Variants in MAML3 observed in about 807,000 individuals in gnomAD.
The protein encoded by MAML3 is mastermind like transcriptional coactivator 3.
In MAML3, 27 loss-of-function variants were observed where a neutral mutation model predicts 101.9. That is an observed-to-expected ratio of 0.27 (90% confidence interval 0.20 to 0.37). The LOEUF (loss-of-function observed/expected upper bound fraction) is 0.37, where lower values mean the gene tolerates loss of function less well. Ranked by LOEUF, MAML3 falls within the 10% of genes least tolerant of loss-of-function variation. The probability of loss-of-function intolerance (pLI) is 1.00; values close to 1 mark genes in which losing one functional copy is unlikely to be tolerated. For synonymous variants in MAML3, 501 were observed against 555.9 expected (o/e 0.90, Z 1.39); for missense variants, 1,316 against 1,444.9 (o/e 0.91, Z 1.45).
At chr4:139,957,503 G>A (rs1733935376) in intron 1 of MAML3, among the ~76,000 whole-genome samples, 1 of 152,208 alleles carries the variant, frequency 6.6e-6, no homozygotes, top group Non-Finnish European at 1.5e-5. Context: ...TCTGGTTCCT[G>A]AGAAAAACAA....
At chr4:140,037,579 A>G (rs571058005) in intron 1 of MAML3, among the ~76,000 whole-genome samples, 1 of 152,220 alleles carries the variant, frequency 6.6e-6, no homozygotes, top group Non-Finnish European at 1.5e-5. Context: ...TGTGACTCAC[A>G]GGAGGCCTGC....
chr4:139,783,479 C>A (rs1012006934), intron 2 of MAML3, among the ~76,000 whole-genome samples: 1 of 152,166 alleles, frequency 6.6e-6, no homozygotes, highest in Non-Finnish European at 1.5e-5. Context: ...GCAGGTAGTA[C>A]CTGCTGGTGT....
At chr4:139,970,824 G>A (rs1349291520) in intron 1 of MAML3, among the ~76,000 whole-genome samples, 1 of 152,126 alleles carries the variant, frequency 6.6e-6, no homozygotes, top group Non-Finnish European at 1.5e-5. Flanking sequence ...CTTATAAGCA[G>A]GGCCTATGGC....
chr4:139,720,126 A>T lies in MAML3; in HGVS notation c.2614T>A (p.Tyr872Asn). Residue 872 changes from tyrosine to asparagine, a missense_variant, in exon 5 of 5, where the codon TAC (tyrosine) becomes AAC (asparagine). Transcript: ENST00000509479. ...STTPTSQPGMYNMSTGMTQML... is the reference protein window; with the variant it reads ...STTPTSQPGMNNMSTGMTQML... ...TGGGTCATGCCTGTGCTCATATTGT[A>T]CATTCCTGGTTGGCTGGTAGGCGTG... 1 of 1,614,082 alleles carries T rather than the reference A, an allele frequency of 6.2e-7. No individual in the cohort carries two copies. Among genetic ancestry groups the T allele is most frequent in the Non-Finnish European group, 8.5e-7 (1 of 1,179,914 alleles).
At chr4:139,797,561 G>A (rs1730533260) in intron 2 of MAML3, among the ~76,000 whole-genome samples, 1 of 152,118 alleles carries the variant, frequency 6.6e-6, no homozygotes, top group African/African-American at 2.4e-5. Flanking sequence ...CAAGGACACA[G>A]AGCAGCCAGG....
chr4:140,127,213 A>G (rs1189571753), intron 1 of MAML3, among the ~76,000 whole-genome samples: 2 of 152,152 alleles, frequency 1.3e-5, no homozygotes. Flanking sequence ...TTTCAACAGC[A>G]CCAAAACACT....
chr4:140,013,190 T>C (rs1726590585), intron 1 of MAML3, among the ~76,000 whole-genome samples: 2 of 152,222 alleles, frequency 1.3e-5, no homozygotes, highest in Admixed American at 6.5e-5. Context: ...ATGTCAAATA[T>C]TTAAGGAGTC....
intron 1 of MAML3, among the ~76,000 whole-genome samples, chr4:140,097,932 G>A (rs1728189919): frequency 1.3e-5 from 2 of 152,336 alleles, no homozygotes; most frequent in East Asian, 3.9e-4. Context: ...TTGTCAACCT[G>A]CCTGTATTAA....
intron 1 of MAML3, among the ~76,000 whole-genome samples, chr4:140,018,373 A>C (rs887202313): frequency 6.6e-6 from 1 of 152,210 alleles, no homozygotes; most frequent in Non-Finnish European, 1.5e-5. Flanking sequence ...AGCATAAACT[A>C]TAATATTTTT....
At chr4:139,759,736 AT>A (rs1485804579) in intron 2 of MAML3, among the ~76,000 whole-genome samples, 1 of 151,566 alleles carries the variant, frequency 6.6e-6, no homozygotes, top group African/African-American at 2.4e-5. Flanking sequence ...AGATAAAAAT[AT>A]TTTTTTGCAT....
At chr4:140,119,119 T>C (rs34309432) in intron 1 of MAML3, among the ~76,000 whole-genome samples, 36,052 of 151,992 alleles carry the variant, frequency 0.24, 4,819 homozygotes, top group Admixed American at 0.34. Context: ...GTGTGGTATA[T>C]GGGCGTTTTC....
At chr4:140,094,014 C>T (rs958776147) in intron 1 of MAML3, among the ~76,000 whole-genome samples, 3 of 152,208 alleles carry the variant, frequency 2.0e-5, no homozygotes, top group Non-Finnish European at 2.9e-5. Flanking sequence ...CAGAAGAGAC[C>T]TGTTCTAGCT....
At chr4:139,836,166 TATAG>T (rs1356002086) in intron 2 of MAML3, among the ~76,000 whole-genome samples, 1 of 152,258 alleles carries the variant, frequency 6.6e-6, no homozygotes, top group African/African-American at 2.4e-5. Context: ...CGGCAGTTTC[TATAG>T]ATAAACTACA....
chr4:139,869,983 T>C (rs772089446), intron 2 of MAML3, among the ~76,000 whole-genome samples: 12 of 152,238 alleles, frequency 7.9e-5, no homozygotes, highest in Non-Finnish European at 1.6e-4. Context: ...TGGTTCCTAG[T>C]TCTAGTGTTG....
chr4:140,032,854 T>C (rs554786881), intron 1 of MAML3, among the ~76,000 whole-genome samples: 9 of 142,800 alleles, frequency 6.3e-5, no homozygotes, highest in East Asian at 6.2e-4. Flanking sequence ...ATTTCTACCA[T>C]TGGAAAAAAA....
intron 1 of MAML3, among the ~76,000 whole-genome samples, chr4:140,000,002 T>G (rs1734891101): frequency 6.6e-6 from 1 of 152,218 alleles, no homozygotes; most frequent in African/African-American, 2.4e-5. Context: ...GTGTGTCATA[T>G]GAAGAATATG....
chr4:139,777,219 G>C (rs1025407735), intron 2 of MAML3, among the ~76,000 whole-genome samples: 3 of 152,174 alleles, frequency 2.0e-5, no homozygotes, highest in African/African-American at 7.2e-5. Flanking sequence ...GACTAACATG[G>C]ATCTTAGACT....
intron 1 of MAML3, 106 bp from the exon 2 acceptor site, chr4:139,891,073 C>CGA: frequency 7.7e-7 from 1 of 1,291,506 alleles, no homozygotes; most frequent in Non-Finnish European, 1.0e-6. Flanking sequence ...TGGTTTACGA[C>CGA]ACACAGGAAA....
chr4:139,868,930 C>A (rs1228657409), intron 2 of MAML3, among the ~76,000 whole-genome samples: 2 of 152,158 alleles, frequency 1.3e-5, no homozygotes, highest in Non-Finnish European at 2.9e-5. Flanking sequence ...TAAAATAAGT[C>A]TTTTCCTGTG....
Sources: gnomAD v4.1 joint callset for allele counts (sites outside exome capture counted in the v4.1 genomes callset) on GRCh38, gnomAD v4.1.1 for gene constraint, MANE v1.5 for transcripts, NCBI Gene and HGNC (gene_info 2026-07-23, HGNC 2026-07-21) for gene names.